The following FGF12 variants were observed in gnomAD, a reference collection of about 807,000 sequenced individuals.
The protein encoded by FGF12 is fibroblast growth factor 12, also known as fibroblast growth factor 12B.
Under a neutral mutation model 23.6 loss-of-function variants are expected in FGF12, and 14 were observed. That is an observed-to-expected ratio of 0.59 (90% CI 0.39 to 0.93). The LOEUF is 0.93. FGF12 is among the 40% of genes least tolerant of loss of function. The pLI is 0.00. For synonymous variants in FGF12, 62 were observed against 77.3 expected (o/e 0.80, Z 1.04); for missense variants, 175 against 217.8 (o/e 0.80, Z 1.24).
chr3:192,198,978 T>C (rs549697289), intron 4 of FGF12, among the ~76,000 whole-genome samples: 2 of 152,348 alleles, frequency 1.3e-5, no homozygotes, highest in African/African-American at 4.8e-5. Flanking sequence ...ACATGTGTTG[T>C]TTAGGTTAAT....
chr3:192,497,380 C>G (rs1723989372), intron 2 of FGF12, among the ~76,000 whole-genome samples: 1 of 152,206 alleles, frequency 6.6e-6, no homozygotes, highest in African/African-American at 2.4e-5. Context: ...AAACCTCCCA[C>G]CAGAAATGCT....
At chr3:192,672,026 T>C (rs1452620755) in intron 2 of FGF12, among the ~76,000 whole-genome samples, 1 of 152,260 alleles carries the variant, frequency 6.6e-6, no homozygotes, top group Non-Finnish European at 1.5e-5. Context: ...AGAGTGCGGC[T>C]TACTCAACAT....
chr3:192,141,074 G>A lies in FGF12; in HGVS notation c.*2935C>T, dbSNP rs889344162. Reference sequence around the variant, plus strand: ...TTAATTTATATCTGCGTAGCCAATTGCAAAGCATTACTAAAAGCCATATTT... The same window carrying A: ...TTAATTTATATCTGCGTAGCCAATTACAAAGCATTACTAAAAGCCATATTT... On this transcript the variant is annotated 3_prime_UTR_variant, in exon 6 of 6. Coordinates refer to ENST00000445105, the MANE Select transcript of FGF12 (RefSeq NM_004113.6). 1.8e-5 allele frequency: 2 copies of A among 113,870 alleles called. No homozygotes were observed. Among genetic ancestry groups the A allele is most frequent in the Non-Finnish European group, 3.3e-5 (2 of 61,128 alleles). 7.1% of individuals were successfully genotyped at this position (113,870 alleles called of 1,614,324 possible). A position where few individuals can be genotyped will look rare whatever the true frequency, so the allele number is the denominator to read the frequency against.
At chr3:192,719,489 G>T (rs1336098688) in intron 2 of FGF12, among the ~76,000 whole-genome samples, 2 of 152,080 alleles carry the variant, frequency 1.3e-5, no homozygotes, top group Non-Finnish European at 2.9e-5. Context: ...TAAGTTATTT[G>T]TAGGCTTGAA....
At position 192,142,449 on chromosome 3, in the gene FGF12, G is replaced by A. The variant is rs951090641; in HGVS notation, c.*1560C>T. 3 of 151,236 alleles carry A rather than the reference G, an allele frequency of 2.0e-5. No homozygotes were observed. The highest frequency in any genetic ancestry group is 6.7e-5 in the Admixed American group (1 of 15,026). 9.4% of individuals were successfully genotyped at this position (151,236 alleles called of 1,614,324 possible). On this transcript the variant is annotated 3_prime_UTR_variant, in exon 6 of 6. Coordinates refer to ENST00000445105, the MANE Select transcript of FGF12 (RefSeq NM_004113.6). ...AAGTTACATGCTATGTCTTCTCATTGATAATATCCATAAATCTGCATACAT... is the reference window on the plus strand; with the variant it reads ...AAGTTACATGCTATGTCTTCTCATTAATAATATCCATAAATCTGCATACAT...
chr3:192,581,741 A>G (rs138073041), intron 2 of FGF12, among the ~76,000 whole-genome samples: 2 of 152,076 alleles, frequency 1.3e-5, no homozygotes, highest in East Asian at 3.9e-4. Context: ...AAATGGCATG[A>G]TGGCTTTTTT....
chr3:192,437,409 C>T (rs76823210), intron 2 of FGF12, among the ~76,000 whole-genome samples: 5,025 of 152,182 alleles, frequency 0.033, 273 homozygotes, highest in African/African-American at 0.11. Context: ...AGTGAGCAAA[C>T]TGGCCAGGCG....
intron 4 of FGF12, among the ~76,000 whole-genome samples, chr3:192,175,311 GT>G (rs1715797962): frequency 6.6e-6 from 1 of 152,176 alleles, no homozygotes; most frequent in African/African-American, 2.4e-5. Context: ...AGACTAACCA[GT>G]AGTCATGTTG....
intron 2 of FGF12, among the ~76,000 whole-genome samples, chr3:192,394,197 A>G (rs1022417019): frequency 2.6e-5 from 4 of 152,188 alleles, no homozygotes; most frequent in African/African-American, 9.7e-5. Flanking sequence ...TAAAACAAAT[A>G]CTAGTTCCAC....
intron 4 of FGF12, among the ~76,000 whole-genome samples, chr3:192,223,010 A>G (rs1718552854): frequency 6.6e-6 from 1 of 152,200 alleles, no homozygotes; most frequent in Admixed American, 6.5e-5. Flanking sequence ...ACCTCTGCCC[A>G]TACTTTACCC....
chr3:192,208,412 C>T (rs1321369517), intron 4 of FGF12, among the ~76,000 whole-genome samples: 1 of 152,150 alleles, frequency 6.6e-6, no homozygotes, highest in Admixed American at 6.5e-5. Flanking sequence ...CCTCTATTGT[C>T]TTTAAGCCTG....
rs557495180 is a variant in FGF12 at position 192,209,719 on chromosome 3, T to C, written c.229-39063A>G. On this transcript the variant is annotated intron_variant, in intron 4 of 5. Coordinates refer to ENST00000445105, the MANE Select transcript of FGF12 (RefSeq NM_004113.6). Reference sequence around the variant, plus strand: ...TTTATATCTGTGACCACATTTAATCTTTGAAGTAACTCTGTAATAAAGCAG... The same window carrying C: ...TTTATATCTGTGACCACATTTAATCCTTGAAGTAACTCTGTAATAAAGCAG... Among the ~76,000 whole-genome samples, 4 of 152,314 alleles carry C rather than the reference T, an allele frequency of 2.6e-5. No homozygotes were observed. In the South Asian group the frequency reaches 8.3e-4, roughly 32 times the overall value.
At chr3:192,676,379 G>C (rs1448642543) in intron 2 of FGF12, among the ~76,000 whole-genome samples, 2 of 152,194 alleles carry the variant, frequency 1.3e-5, no homozygotes, top group East Asian at 3.9e-4. Flanking sequence ...TTATGAAATG[G>C]AAAGAGGCCT....
chr3:192,518,670 G>A (rs1307390018), intron 2 of FGF12, among the ~76,000 whole-genome samples: 2 of 152,064 alleles, frequency 1.3e-5, no homozygotes, highest in Non-Finnish European at 2.9e-5. Flanking sequence ...TAAACTAAAA[G>A]ATGAAAATCA....
intron 5 of FGF12, among the ~76,000 whole-genome samples, chr3:192,159,310 G>C (rs1256017286): frequency 6.6e-6 from 1 of 152,176 alleles, no homozygotes; most frequent in Non-Finnish European, 1.5e-5. Context: ...CACTCCAGCA[G>C]TGTTGGATAC....
intron 2 of FGF12, among the ~76,000 whole-genome samples, chr3:192,690,561 A>C (rs1265520241): frequency 2.0e-5 from 3 of 149,828 alleles, no homozygotes; most frequent in Non-Finnish European, 4.5e-5. Context: ...AGAAAAGATA[A>C]GAAAGAAATC....
intron 5 of FGF12, among the ~76,000 whole-genome samples, chr3:192,169,695 G>A (rs1436560417): frequency 6.6e-6 from 1 of 151,962 alleles, no homozygotes; most frequent in Non-Finnish European, 1.5e-5. Context: ...GTGACTTTCA[G>A]AGGAGAAACA....
rs74329627 is a variant in FGF12, at chr3:192,437,381, G to A, written c.14-76843C>T. Among the ~76,000 whole-genome samples the A allele has an allele frequency of 6.6e-3, 1,006 of 152,268 alleles. 3 individuals carry two copies. The highest frequency in any genetic ancestry group is 0.011 in the Non-Finnish European group (736 of 67,996). ...CCTTTTAGCCAGAAGGTTTAAGGAAGTCAGTGGAATGTGTAAGAGTGAGCA... is the reference window on the plus strand; with the variant it reads ...CCTTTTAGCCAGAAGGTTTAAGGAAATCAGTGGAATGTGTAAGAGTGAGCA... On this transcript the variant is annotated intron_variant, in intron 2 of 5. Transcript: ENST00000445105.
chr3:192,465,699 C>T (rs148812217), intron 2 of FGF12, among the ~76,000 whole-genome samples: 2 of 152,314 alleles, frequency 1.3e-5, no homozygotes, highest in East Asian at 1.9e-4. Flanking sequence ...ACGTGACTGT[C>T]GCCCTCCCCG....
Sources: allele counts gnomAD v4.1 joint callset (sites outside exome capture counted in the v4.1 genomes callset), GRCh38; gene constraint gnomAD v4.1.1; transcripts MANE v1.5; gene names NCBI Gene and HGNC (gene_info 2026-07-23, HGNC 2026-07-21).